The following RFX7 variants were observed in gnomAD, a reference collection of about 807,000 sequenced individuals.
RFX7 encodes the protein regulatory factor X7, also known as DNA-binding protein RFX7.
Under a neutral mutation model 111.8 loss-of-function variants are expected in RFX7, and 26 were observed. The observed-to-expected ratio is 0.23, with a 90% CI of 0.17 to 0.32. RFX7 has a LOEUF of 0.32. Among genes scored for constraint, RFX7 ranks in the 10% least tolerant of loss-of-function variants. The probability of loss-of-function intolerance (pLI) is 1.00; values close to 1 mark genes in which losing one functional copy is unlikely to be tolerated. For missense variants in RFX7, 1,573 were observed against 1,772.9 expected, an observed-to-expected ratio of 0.89 and a Z score of 2.02; for synonymous variants, 624 against 624.4, an observed-to-expected ratio of 1.00 and a Z score of 0.01.
intron 2 of RFX7, among the ~76,000 whole-genome samples, chr15:56,201,694 A>G (rs1201046162): frequency 6.6e-6 from 1 of 152,178 alleles, no homozygotes; most frequent in Non-Finnish European, 1.5e-5. Flanking sequence ...GCTACTTCAA[A>G]GCGATGTATG....
chr15:56,165,636 G>A (rs1240658569), intron 3 of RFX7, among the ~76,000 whole-genome samples: 2 of 152,178 alleles, frequency 1.3e-5, no homozygotes, highest in Non-Finnish European at 2.9e-5. Flanking sequence ...GACCAGGTGA[G>A]TTTACTTGGC....
rs2042653884 is a variant in RFX7, at chr15:56,156,443, A to G, written c.196-11960T>C. Among the ~76,000 whole-genome samples the G allele has an allele frequency of 1.3e-5, 2 of 152,114 alleles. 1 individual carries two copies. The highest frequency in any genetic ancestry group is 4.8e-5 in the African/African-American group (2 of 41,352). ...TAACAGCATATAGAAATAGTATTCT[A>G]TGAAACAAAACCACAGTTTGTTCAT... On this transcript the variant is annotated intron_variant, in intron 3 of 9. Coordinates refer to ENST00000559447, the MANE Select transcript of RFX7 (RefSeq NM_022841.7).
chr15:56,117,525 G>C (rs1390136807), intron 5 of RFX7, among the ~76,000 whole-genome samples: 1 of 152,084 alleles, frequency 6.6e-6, no homozygotes, highest in African/African-American at 2.4e-5. Context: ...CGCACTACTT[G>C]AAAGTATACA....
intron 3 of RFX7, among the ~76,000 whole-genome samples, chr15:56,151,015 G>C (rs2042562336): frequency 6.9e-6 from 1 of 145,438 alleles, no homozygotes; most frequent in Non-Finnish European, 1.5e-5. Flanking sequence ...AGATTAGAGG[G>C]AAAAAAAAAA....
intron 2 of RFX7, among the ~76,000 whole-genome samples, chr15:56,218,972 T>C (rs990797182): frequency 2.6e-5 from 4 of 152,060 alleles, no homozygotes; most frequent in Non-Finnish European, 5.9e-5. Flanking sequence ...GGAATCAAAT[T>C]AGATAAAAAA....
At chr15:56,159,334 C>A (rs2042693766) in intron 3 of RFX7, among the ~76,000 whole-genome samples, 1 of 152,134 alleles carries the variant, frequency 6.6e-6, no homozygotes, top group South Asian at 2.1e-4. Flanking sequence ...TTAAGAAATT[C>A]AGGACGTATT....
chr15:56,101,768 G>A (rs2041756474), intron 7 of RFX7, among the ~76,000 whole-genome samples: 1 of 152,164 alleles, frequency 6.6e-6, no homozygotes, highest in Admixed American at 6.5e-5. Context: ...CAGCAGCCTT[G>A]CGAATATAAC....
intron 2 of RFX7, among the ~76,000 whole-genome samples, chr15:56,180,099 T>G (rs2042952913): frequency 6.6e-6 from 1 of 152,124 alleles, no homozygotes; most frequent in Admixed American, 6.5e-5. Context: ...CACACAATCT[T>G]TAAAAGATGT....
At chr15:56,197,281 A>G (rs1390162199) in intron 2 of RFX7, among the ~76,000 whole-genome samples, 1 of 152,096 alleles carries the variant, frequency 6.6e-6, no homozygotes, top group African/African-American at 2.4e-5. Flanking sequence ...TCTTTTGTCA[A>G]CTACTTGAGT....
intron 2 of RFX7, among the ~76,000 whole-genome samples, chr15:56,226,509 A>C (rs1363759025): frequency 6.6e-6 from 1 of 152,186 alleles, no homozygotes; most frequent in African/African-American, 2.4e-5. Flanking sequence ...GAAACTGTTA[A>C]GTAACAAACT....
At chr15:56,195,790 G>C (rs1051251100) in intron 2 of RFX7, among the ~76,000 whole-genome samples, 2 of 152,180 alleles carry the variant, frequency 1.3e-5, no homozygotes, top group East Asian at 3.8e-4. Flanking sequence ...GTTTCTAGTT[G>C]AGAGCCACTG....
At chr15:56,133,523 A>C (rs1380508101) in intron 5 of RFX7, among the ~76,000 whole-genome samples, 6 of 152,086 alleles carry the variant, frequency 3.9e-5, no homozygotes, top group Admixed American at 3.9e-4. Context: ...AGAACACAGA[A>C]TGATCAGTCT....
chr15:56,189,901 T>A (rs1258129944), intron 2 of RFX7: 1 of 152,248 alleles, frequency 6.6e-6, no homozygotes, highest in Non-Finnish European at 1.5e-5. Context: ...AAAAAGAATG[T>A]TCATAGCATC....
chr15:56,161,368 A>G (rs1195087188), intron 3 of RFX7, among the ~76,000 whole-genome samples: 2 of 152,078 alleles, frequency 1.3e-5, no homozygotes, highest in African/African-American at 4.8e-5. Context: ...GCACTGACAA[A>G]TTCTTACTCC....
chr15:56,098,052 T>C, intron 9 of RFX7, 29 bp downstream of exon 9: 1 of 1,597,642 alleles, frequency 6.3e-7, no homozygotes, highest in Non-Finnish European at 8.5e-7. Context: ...ACCATCCCAA[T>C]AAGGCCAAAT....
intron 2 of RFX7, 65 bp downstream of exon 2, chr15:56,243,060 C>CCCCCCCCCCTTT: frequency 9.8e-7 from 1 of 1,021,928 alleles, no homozygotes; most frequent in Non-Finnish European, 1.4e-6. Context: ...CCCGCCGCCC[C>CCCCCCCCCCTTT]CCACCCACTT....
chr15:56,186,512 A>G (rs2043039749), intron 2 of RFX7, among the ~76,000 whole-genome samples: 1 of 152,152 alleles, frequency 6.6e-6, no homozygotes, highest in African/African-American at 2.4e-5. Context: ...TATCTTATCA[A>G]AAGTTTATGT....
At chr15:56,136,118 T>G (rs1446943027) in intron 5 of RFX7, among the ~76,000 whole-genome samples, 1 of 152,164 alleles carries the variant, frequency 6.6e-6, no homozygotes. Flanking sequence ...TGGTTCCGTA[T>G]GAACTTTAAA....
chr15:56,110,549 G>A (rs1237249589), intron 5 of RFX7, among the ~76,000 whole-genome samples: 2 of 22,560 alleles, frequency 8.9e-5, no homozygotes, highest in African/African-American at 2.5e-4. Flanking sequence ...GGTGGGGGGG[G>A]TCAGCCCCCC....
Sources: allele counts gnomAD v4.1 joint callset (sites outside exome capture counted in the v4.1 genomes callset), GRCh38; gene constraint gnomAD v4.1.1; transcripts MANE v1.5; gene names NCBI Gene and HGNC (gene_info 2026-07-23, HGNC 2026-07-21).